Variants in MYO16 observed in about 807,000 individuals in gnomAD.
MYO16 encodes myosin XVI.
Under a neutral mutation model 205.3 loss-of-function variants are expected in MYO16, and 94 were observed. The ratio of observed to expected loss-of-function variants is 0.46; its 90% CI spans 0.39 to 0.54. MYO16 has a LOEUF of 0.54. Among genes scored for constraint, MYO16 ranks in the 20% least tolerant of loss-of-function variants. The pLI is 0.00. For synonymous variants in MYO16, 988 were observed against 954.0 expected (o/e 1.04, Z -0.66); for missense variants, 2,315 against 2,387.5 (o/e 0.97, Z 0.63).
intron 16 of MYO16, among the ~76,000 whole-genome samples, chr13:108,927,481 C>T (rs1269846334): frequency 6.6e-6 from 1 of 152,098 alleles, no homozygotes; most frequent in East Asian, 1.9e-4. Flanking sequence ...CTGCTGCAGG[C>T]CAATTAGGTG....
In MYO16 at chr13:108,814,199, A is replaced by G. The variant is rs562812596; in HGVS notation, c.868-6138A>G. ...TTGGAGTTCTATAAACAGCAAATTG[A>G]ATTTAGTAATGCAACATAATTATTA... On this transcript the variant is annotated intron_variant, in intron 7 of 34. Transcript: ENST00000457511. 3.8e-4 allele frequency among the ~76,000 whole-genome samples: 58 copies of G among 152,304 alleles called. No individual in the cohort carries two copies. In the East Asian group the frequency reaches 5.0e-3, roughly 13 times the overall value.
chr13:109,011,509 T>TG (rs1431909661), intron 22 of MYO16, among the ~76,000 whole-genome samples: 4 of 149,676 alleles, frequency 2.7e-5, no homozygotes, highest in Middle Eastern at 6.9e-3. Context: ...TTTTTTTTTT[T>TG]TGTTGTTATT....
intron 20 of MYO16, among the ~76,000 whole-genome samples, chr13:108,977,818 G>C (rs1369724415): frequency 6.6e-6 from 1 of 151,692 alleles, no homozygotes; most frequent in South Asian, 2.1e-4. Context: ...TGGTTATTTT[G>C]GGGTCTTTAT....
chr13:108,573,671 T>G, the MYO16 span, among the ~76,000 whole-genome samples: 1 of 152,162 alleles, frequency 6.6e-6, no homozygotes, highest in Admixed American at 6.5e-5. Flanking sequence ...AGCAGTTTGA[T>G]CTCCTCACCA....
At chr13:109,193,571 A>C (rs1880018269) in intron 34 of MYO16, among the ~76,000 whole-genome samples, 1 of 152,232 alleles carries the variant, frequency 6.6e-6, no homozygotes, top group Non-Finnish European at 1.5e-5. Context: ...TTCTGGAAAA[A>C]AAAATTTGAG....
At chr13:108,663,773 T>C (rs1594188347) in intron 1 of MYO16, among the ~76,000 whole-genome samples, 1 of 152,204 alleles carries the variant, frequency 6.6e-6, no homozygotes, top group African/African-American at 2.4e-5. Context: ...TCCTCAGCCA[T>C]CAACTGCTGG....
intron 21 of MYO16, among the ~76,000 whole-genome samples, chr13:109,007,616 G>A (rs1350787583): frequency 2.6e-5 from 4 of 151,388 alleles, no homozygotes; most frequent in Admixed American, 6.6e-5. Flanking sequence ...AGAAGTAGAA[G>A]AGTAGCCTAG....
At chr13:108,990,485 C>T (rs1884791349) in intron 20 of MYO16, among the ~76,000 whole-genome samples, 1 of 151,850 alleles carries the variant, frequency 6.6e-6, no homozygotes, top group Admixed American at 6.6e-5. Context: ...GTTTAAAACA[C>T]TTATTTTGAG....
At chr13:109,102,788 T>G (rs1020986624) in intron 28 of MYO16, among the ~76,000 whole-genome samples, 5 of 152,130 alleles carry the variant, frequency 3.3e-5, no homozygotes, top group South Asian at 2.1e-4. Flanking sequence ...AGGATAGCAT[T>G]AAATTGAAAC....
intron 13 of MYO16, 30 bp downstream of exon 13, chr13:108,883,216 C>T: frequency 6.2e-7 from 1 of 1,603,602 alleles, no homozygotes; most frequent in Non-Finnish European, 8.5e-7. Flanking sequence ...GTCTGCCAGG[C>T]TCAGGTTTGC....
rs1310080601 is a variant in MYO16, at chr13:109,094,086, T to C, written c.3336-6699T>C. On this transcript the variant is annotated intron_variant, in intron 27 of 34. Coordinates refer to ENST00000457511, the MANE Select transcript of MYO16 (RefSeq NM_001198950.3). ...CAGAGCAGCCATGCACCACCCCCAC[T>C]CCACCGGGACTACAGTTCCCCCAGA... Among the ~76,000 whole-genome samples the C allele has an allele frequency of 2.0e-5, 3 of 152,046 alleles. No homozygotes were observed. The East Asian group carries it at 5.8e-4, about 29-fold the overall frequency.
Position 108,712,529 on chromosome 13 carries a change from A to T in MYO16, c.293-132A>T, listed in dbSNP as rs1007565023. 13 of 760,432 alleles carry T rather than the reference A, an allele frequency of 1.7e-5. No homozygotes were observed. The African/African-American group carries it at 2.1e-4, about 12-fold the overall frequency. 47.1% of individuals were successfully genotyped at this position (760,432 alleles called of 1,614,324 possible). ...CAATCATCATAATAAATAGGGTCAG[A>T]TGGCACAGAAGCCGTAGTCTTTGGT... On this transcript the variant is annotated intron_variant, in intron 2 of 34. Transcript: ENST00000457511.
At chr13:108,911,066 C>CACACACACACACAGAGAG (rs59417999) in intron 16 of MYO16, among the ~76,000 whole-genome samples, 3 of 143,130 alleles carry the variant, frequency 2.1e-5, no homozygotes, top group East Asian at 4.2e-4. Flanking sequence ...CACACACACA[C>CACACACACACACAGAGAG]AGAGAGAGAG....
At chr13:108,572,581 G>A in the MYO16 span, among the ~76,000 whole-genome samples, 11 of 152,180 alleles carry the variant, frequency 7.2e-5, no homozygotes, top group African/African-American at 1.9e-4. Flanking sequence ...AAGACAGTGC[G>A]TTCTATATTT....
intron 30 of MYO16, among the ~76,000 whole-genome samples, chr13:109,126,565 A>C (rs1164654944): frequency 6.6e-6 from 1 of 152,236 alleles, no homozygotes; most frequent in Admixed American, 6.5e-5. Flanking sequence ...TGCTGGAACT[A>C]AACGGCCACC....
At chr13:108,596,151 A>T (rs930556606), upstream of MYO16, 1 of 152,088 alleles carries the variant, frequency 6.6e-6, no homozygotes, top group Non-Finnish European at 1.5e-5. Context: ...GTGGACCAGA[A>T]CTGCGCTCGG....
At chr13:109,023,991 T>C (rs1886268081) in intron 23 of MYO16, among the ~76,000 whole-genome samples, 1 of 106,956 alleles carries the variant, frequency 9.3e-6, no homozygotes, top group Non-Finnish European at 1.9e-5. Context: ...TATATTTCTA[T>C]ATGTATATAT....
the MYO16 span, among the ~76,000 whole-genome samples, chr13:108,510,180 T>C: frequency 2.0e-5 from 3 of 152,062 alleles, no homozygotes; most frequent in Admixed American, 6.6e-5. Context: ...GCAATGGCGC[T>C]ATCTCGGCTC....
Position 109,125,281 on chromosome 13 carries a change from G to T in MYO16, c.3705G>T (p.Arg1235=). ...CAGACATTGCCCGGGAAAATGACCG[G>T]CTCCGTAGTGAAATGAACGCTCCCT... ...NASDIAREND[R]LRSEMNAPYH... The change falls in exon 30 of 35, where the codon CGG becomes CGT. Residue 1235 remains arginine, a synonymous_variant. Coordinates refer to ENST00000457511, the MANE Select transcript of MYO16 (RefSeq NM_001198950.3). The surrounding 1 kb of genome is among the most constrained non-coding windows in gnomAD (Gnocchi z 4.0). The T allele has an allele frequency of 6.2e-7, 1 of 1,614,126 alleles. No homozygotes were observed. Among genetic ancestry groups the T allele is most frequent in the Non-Finnish European group, 8.5e-7 (1 of 1,180,020 alleles).
Sources: allele counts gnomAD v4.1 joint callset (sites outside exome capture counted in the v4.1 genomes callset), GRCh38; gene constraint gnomAD v4.1.1; non-coding constraint Gnocchi (gnomAD v3.1); transcripts MANE v1.5; gene names NCBI Gene and HGNC (gene_info 2026-07-23, HGNC 2026-07-21).